C1orf198: variants seen among roughly 807,000 people sequenced by gnomAD.
C1orf198 encodes the protein chromosome 1 open reading frame 198.
Under a neutral mutation model 31.4 loss-of-function variants are expected in C1orf198, and 17 were observed. The ratio of observed to expected loss-of-function variants is 0.54; its 90% CI spans 0.37 to 0.81. The LOEUF (loss-of-function observed/expected upper bound fraction) is 0.81. Among genes scored for constraint, C1orf198 ranks in the 40% least tolerant of loss-of-function variants. The pLI is 0.00. For missense variants in C1orf198, 401 were observed against 450.3 expected, an observed-to-expected ratio of 0.89 and a Z score of 0.99; for synonymous variants, 175 against 193.8, an observed-to-expected ratio of 0.90 and a Z score of 0.81.
intron 2 of C1orf198, among the ~76,000 whole-genome samples, chr1:230,851,747 G>A (rs771351168): frequency 1.3e-5 from 2 of 152,204 alleles, no homozygotes; most frequent in East Asian, 1.9e-4. Context: ...GGAGGCAACC[G>A]AGGCAGGGTG....
intron 1 of C1orf198, among the ~76,000 whole-genome samples, chr1:230,863,576 C>T (rs1392562431): frequency 1.3e-5 from 2 of 152,220 alleles, no homozygotes; most frequent in African/African-American, 2.4e-5. Flanking sequence ...TAAACCTGTT[C>T]CCTGGCTGCC....
intron 2 of C1orf198, among the ~76,000 whole-genome samples, chr1:230,848,037 C>T (rs1016153014): frequency 1.2e-4 from 19 of 152,258 alleles, no homozygotes; most frequent in Admixed American, 3.9e-4. Flanking sequence ...AGGGGCGCTG[C>T]GGAAGGGAAC....
chr1:230,853,721 T>TAC (rs1285173995), intron 2 of C1orf198, among the ~76,000 whole-genome samples: 1 of 152,214 alleles, frequency 6.6e-6, no homozygotes. Flanking sequence ...CTATGAAGAC[T>TAC]ACACTTTACT....
chr1:230,864,923 A>T (rs896798053), intron 1 of C1orf198, among the ~76,000 whole-genome samples: 42 of 152,308 alleles, frequency 2.8e-4, no homozygotes, highest in African/African-American at 9.6e-4. Context: ...AAACAGGGTG[A>T]TCCCTCTAAA....
intron 1 of C1orf198, among the ~76,000 whole-genome samples, chr1:230,860,887 T>C (rs1669990843): frequency 6.6e-6 from 1 of 152,194 alleles, no homozygotes; most frequent in Non-Finnish European, 1.5e-5. Flanking sequence ...AATTTTATGT[T>C]GTATGTATTT....
chr1:230,851,232 A>G (rs1385054370), intron 2 of C1orf198, among the ~76,000 whole-genome samples: 1 of 152,134 alleles, frequency 6.6e-6, no homozygotes, highest in Non-Finnish European at 1.5e-5. Context: ...TACTGCCCTA[A>G]TAGGCAGCTG....
At chr1:230,852,840 A>G (rs1669778273) in intron 2 of C1orf198, among the ~76,000 whole-genome samples, 1 of 152,248 alleles carries the variant, frequency 6.6e-6, no homozygotes, top group African/African-American at 2.4e-5. Context: ...CTCTTCTATC[A>G]AGAGGTGCAA....
chr1:230,855,587 C>T (rs1669851943), intron 2 of C1orf198, 81 bp downstream of exon 2: 1 of 1,476,690 alleles, frequency 6.8e-7, no homozygotes, highest in Non-Finnish European at 9.3e-7. Context: ...TCTTCTGAGT[C>T]CATCAAATGC....
At chr1:230,848,245 G>C (rs1290258498) in intron 2 of C1orf198, among the ~76,000 whole-genome samples, 1 of 152,190 alleles carries the variant, frequency 6.6e-6, no homozygotes, top group African/African-American at 2.4e-5. Flanking sequence ...GGGAAGACAA[G>C]AACTTAACAA....
At chr1:230,866,759 T>C (rs1277729183) in intron 1 of C1orf198, among the ~76,000 whole-genome samples, 4 of 152,214 alleles carry the variant, frequency 2.6e-5, no homozygotes, top group African/African-American at 9.6e-5. Context: ...GCGCAAACAC[T>C]GCACACAAGT....
chr1:230,843,263 C>G lies in C1orf198; in HGVS notation c.927+91G>C. ...AGGAGAAGAAAAAGAGCATGGGCACCTGTGGCCTGCCTGCTTTGTGGGGGA... is the reference window on the plus strand; with the variant it reads ...AGGAGAAGAAAAAGAGCATGGGCACGTGTGGCCTGCCTGCTTTGTGGGGGA... On this transcript the variant is annotated intron_variant, in intron 3 of 3. Transcript: ENST00000366663. The surrounding 1 kb of genome is among the most constrained non-coding windows in gnomAD (Gnocchi z 4.9). The G allele has an allele frequency of 7.0e-7, 1 of 1,430,616 alleles. No individual in the cohort carries two copies. 88.6% of individuals were successfully genotyped at this position (1,430,616 alleles called of 1,614,324 possible).
chr1:230,853,675 C>CT (rs1300759777), intron 2 of C1orf198, among the ~76,000 whole-genome samples: 5 of 152,288 alleles, frequency 3.3e-5, no homozygotes, highest in African/African-American at 1.2e-4. Context: ...GAACTCTAAT[C>CT]TAACAGGAGT....
chr1:230,868,519 C>T lies in C1orf198; in HGVS notation c.-7G>A. The T allele has an allele frequency of 2.3e-6, 3 of 1,327,510 alleles. No individual in the cohort carries two copies. Among genetic ancestry groups the T allele is most frequent in the East Asian group, 6.3e-5 (2 of 31,950 alleles). The allele number at this position is 1,327,510 out of a possible 1,614,324, so 82.2% of individuals were successfully genotyped here. On this transcript the variant is annotated 5_prime_UTR_variant, in exon 1 of 4. Transcript: ENST00000366663. ...CCGCCGCCATGGACGCCATGCCCGG[C>T]CTGCCCGCCGCTCCCGGCCCGCGCC...
intron 2 of C1orf198, among the ~76,000 whole-genome samples, chr1:230,850,612 A>G (rs1256653305): frequency 6.6e-6 from 1 of 152,106 alleles, no homozygotes; most frequent in Non-Finnish European, 1.5e-5. Flanking sequence ...AGAGCAGGGA[A>G]AGGCCAAGAG....
rs546175388 is a variant in C1orf198 at position 230,846,504 on chromosome 1, T to C, written c.385-2608A>G. ...TTTCCTGTGTGAAGTGCAGGTCCTATACATAGAGAGCGGCACATGCTCTCT... is the reference window on the plus strand; with the variant it reads ...TTTCCTGTGTGAAGTGCAGGTCCTACACATAGAGAGCGGCACATGCTCTCT... On this transcript the variant is annotated intron_variant, in intron 2 of 3. Coordinates refer to ENST00000366663, the MANE Select transcript of C1orf198 (RefSeq NM_032800.3). 2.0e-5 allele frequency among the ~76,000 whole-genome samples: 3 copies of C among 152,370 alleles called. No individual in the cohort carries two copies. The South Asian group carries it at 6.2e-4, about 32-fold the overall frequency.
chr1:230,852,414 C>T (rs936571870), intron 2 of C1orf198, among the ~76,000 whole-genome samples: 1 of 152,136 alleles, frequency 6.6e-6, no homozygotes, highest in African/African-American at 2.4e-5. Context: ...GGGGGGCAGT[C>T]ATTCTTTAAT....
rs1669332506 is a variant in C1orf198, at chr1:230,837,495, T to C, written c.*2357A>G. The stretch of plus-strand genomic sequence containing the variant: ...TCATGCTCAGGTTTCTCCTGAAAAG[T>C]GTGTATTTTCTAAAAAATAAATATA... On this transcript the variant is annotated 3_prime_UTR_variant, in exon 4 of 4. Transcript: ENST00000366663. 1 of 152,164 alleles carries C rather than the reference T, an allele frequency of 6.6e-6. No homozygotes were observed. The highest frequency in any genetic ancestry group is 1.5e-5 in the Non-Finnish European group (1 of 68,018). The allele number at this position is 152,164 out of a possible 1,614,324, so 9.4% of individuals were successfully genotyped here.
At position 230,840,391 on chromosome 1, in the gene C1orf198, A is replaced by G. The variant is rs1424808539; in HGVS notation, c.928-483T>C. Among the ~76,000 whole-genome samples, 4 of 152,204 alleles carry G rather than the reference A, an allele frequency of 2.6e-5. No individual in the cohort carries two copies. The highest frequency in any genetic ancestry group is 9.6e-5 in the African/African-American group (4 of 41,458). On this transcript the variant is annotated intron_variant, in intron 3 of 3. Coordinates refer to ENST00000366663, the MANE Select transcript of C1orf198 (RefSeq NM_032800.3). This position sits in a 1 kb window ranked among gnomAD's most constrained non-coding sequence, Gnocchi z 4.0. ...GCTTATTTCTTTCAGATCTTGTGAAAGGTTATGAAGTGATTTTCCCAAACT... is the reference window on the plus strand; with the variant it reads ...GCTTATTTCTTTCAGATCTTGTGAAGGGTTATGAAGTGATTTTCCCAAACT...
rs769917504 is a variant in C1orf198, at chr1:230,843,871, G to T, written c.410C>A (p.Ala137Asp). The change falls in exon 3 of 4, where the codon GCC becomes GAC. Residue 137 changes from alanine to aspartate, a missense_variant. Physicochemically the swap from Ala to Asp is moderately radical, Grantham distance 126. Coordinates refer to ENST00000366663, the MANE Select transcript of C1orf198 (RefSeq NM_032800.3). The surrounding 1 kb of genome is among the most constrained non-coding windows in gnomAD (Gnocchi z 4.9). ...TKSQMEFSIS[A>D]LSIQEPSNGT... Reference sequence around the variant, plus strand: ...GTTGCTCGGCTCCTGGATGGATAGGGCGGAGATACTGAACTCCATCTGACT... The same window carrying T: ...GTTGCTCGGCTCCTGGATGGATAGGTCGGAGATACTGAACTCCATCTGACT... 3 of 1,519,818 alleles carry T rather than the reference G, an allele frequency of 2.0e-6. No individual in the cohort carries two copies. The highest frequency in any genetic ancestry group is 2.3e-5 in the East Asian group (1 of 44,128). 94.1% of individuals were successfully genotyped at this position (1,519,818 alleles called of 1,614,324 possible). A position where few individuals can be genotyped will look rare whatever the true frequency, so the allele number is the denominator to read the frequency against.
Sources: allele counts gnomAD v4.1 joint callset (sites outside exome capture counted in the v4.1 genomes callset), GRCh38; gene constraint gnomAD v4.1.1; non-coding constraint Gnocchi (gnomAD v3.1); transcripts MANE v1.5; gene names NCBI Gene and HGNC (gene_info 2026-07-23, HGNC 2026-07-21).